SPINK6: variants seen among roughly 807,000 people sequenced by gnomAD.
SPINK6 encodes the protein serine peptidase inhibitor Kazal type 6.
In SPINK6, 13 loss-of-function variants were observed where a neutral mutation model predicts 11.7. The observed-to-expected ratio is 1.11, with a 90% CI of 0.72 to 1.76. The LOEUF (loss-of-function observed/expected upper bound fraction) is 1.76. Ranked by LOEUF, SPINK6 falls within the 40% of genes most tolerant of loss-of-function variation. The pLI is 0.00. For missense variants in SPINK6, 98 were observed against 93.7 expected (o/e 1.05, Z -0.19); for synonymous variants, 21 against 31.9 (o/e 0.66, Z 1.15).
Position 148,206,078 on chromosome 5 carries a change from T to C in SPINK6, c.81+20T>C. Reference sequence around the variant, plus strand: ...GGACAGGTCAGTGCCTATTTTTATCTCTGCTTTCTGCCTGGGTGGTGCTTG... The same window carrying C: ...GGACAGGTCAGTGCCTATTTTTATCCCTGCTTTCTGCCTGGGTGGTGCTTG... On this transcript the variant is annotated intron_variant, in intron 2 of 3. Transcript: ENST00000325630. The C allele has an allele frequency of 6.2e-7, 1 of 1,613,920 alleles. No individual in the cohort carries two copies.
intron 2 of SPINK6, among the ~76,000 whole-genome samples, chr5:148,209,999 T>C (rs1323516945): frequency 1.7e-4 from 25 of 146,572 alleles, no homozygotes; most frequent in African/African-American, 6.5e-4. Context: ...CATATACACG[T>C]ATGTATACAT....
At chr5:148,212,576 A>ATATTTATATAT (rs1229882420) in intron 2 of SPINK6, among the ~76,000 whole-genome samples, 268 of 102,286 alleles carry the variant, frequency 2.6e-3, no homozygotes, top group African/African-American at 0.01. Flanking sequence ...TATATTATAT[A>ATATTTATATAT]TTATATAAAT....
chr5:148,207,895 C>T (rs1014709256), intron 2 of SPINK6, among the ~76,000 whole-genome samples: 2 of 152,116 alleles, frequency 1.3e-5, no homozygotes, highest in Admixed American at 6.5e-5. Context: ...ACCTGGATTG[C>T]TTACTAAATA....
chr5:148,202,990 A>C, upstream of SPINK6: 1 of 812,840 alleles, frequency 1.2e-6, no homozygotes, highest in Admixed American at 2.6e-5. Flanking sequence ...CATAAACTGC[A>C]TAGGACTCAT....
At chr5:148,210,026 G>GTATGTATGTATA (rs1755560343) in intron 2 of SPINK6, among the ~76,000 whole-genome samples, 1 of 15,704 alleles carries the variant, frequency 6.4e-5, no homozygotes, top group Non-Finnish European at 2.8e-4. Context: ...ACGCATGTAC[G>GTATGTATGTATA]CATGCACAAA....
At chr5:148,213,886 A>G (rs538288356) in intron 2 of SPINK6, 24 bp from the exon 3 acceptor site, 10 of 1,248,080 alleles carry the variant, frequency 8.0e-6, no homozygotes, top group Admixed American at 6.8e-5. Context: ...ACTGATGTCA[A>G]TGTCACTCTG....
In SPINK6 at chr5:148,203,067, A is replaced by G. The variant is rs375464213; in HGVS notation, c.-30A>G. 773 of 1,588,960 alleles carry G rather than the reference A, an allele frequency of 4.9e-4. 12 individuals are homozygous for G. In the South Asian group the frequency reaches 8.3e-3, roughly 17 times the overall value. On this transcript the variant is annotated 5_prime_UTR_variant, in exon 1 of 4. Coordinates refer to ENST00000325630, the MANE Select transcript of SPINK6 (RefSeq NM_205841.4). ...ACAGAGAACCTCAGCTGGACAAAGC[A>G]GCCTTGATCTGAGTGAGCTAACTGA...
At chr5:148,211,350 G>A (rs1314202495) in intron 2 of SPINK6, among the ~76,000 whole-genome samples, 2 of 152,188 alleles carry the variant, frequency 1.3e-5, no homozygotes, top group African/African-American at 4.8e-5. Flanking sequence ...AAAGCTAGAA[G>A]AGTCCCAGGA....
At chr5:148,214,881 T>G (rs372003241) in intron 3 of SPINK6, 24 bp from the exon 4 acceptor site, 249 of 1,603,320 alleles carry the variant, frequency 1.6e-4, no homozygotes, top group Non-Finnish European at 2.1e-4. Context: ...GCACTGAGTA[T>G]ATATTTGTCT....
At chr5:148,211,276 A>T (rs1755594425) in intron 2 of SPINK6, among the ~76,000 whole-genome samples, 1 of 152,184 alleles carries the variant, frequency 6.6e-6, no homozygotes. Context: ...GCTGAAGTTA[A>T]GGACATAACA....
chr5:148,212,584 A>AT (rs1561733705), intron 2 of SPINK6, among the ~76,000 whole-genome samples: 268 of 101,662 alleles, frequency 2.6e-3, no homozygotes, highest in African/African-American at 0.01. Context: ...ATATTATATA[A>AT]ATATATTTTA....
intron 2 of SPINK6, among the ~76,000 whole-genome samples, chr5:148,212,243 G>A (rs1755607796): frequency 6.6e-6 from 1 of 151,674 alleles, no homozygotes; most frequent in Admixed American, 6.6e-5. Flanking sequence ...CTCAACAATA[G>A]TGCAACCTTA....
intron 1 of SPINK6, among the ~76,000 whole-genome samples, chr5:148,204,871 T>C (rs1044443959): frequency 2.2e-4 from 34 of 152,140 alleles, no homozygotes; most frequent in African/African-American, 8.2e-4. Flanking sequence ...ATTTGTACAG[T>C]GGAGACTTAC....
intron 3 of SPINK6, 34 bp downstream of exon 3, chr5:148,214,059 A>G: frequency 7.6e-7 from 1 of 1,323,502 alleles, no homozygotes; most frequent in Non-Finnish European, 1.1e-6. Context: ...TGACCCTTGC[A>G]AACACAAACT....
At chr5:148,206,172 C>A in intron 2 of SPINK6, 114 bp downstream of exon 2, 1 of 1,031,500 alleles carries the variant, frequency 9.7e-7, no homozygotes, top group Non-Finnish European at 1.5e-6. Flanking sequence ...AGCAGGCAAA[C>A]CTTATGCAGA....
In SPINK6 at chr5:148,205,922, C is replaced by T. The variant is rs1022080900; in HGVS notation, c.59-114C>T. 8 of 1,095,758 alleles carry T rather than the reference C, an allele frequency of 7.3e-6. No individual in the cohort carries two copies. The East Asian group carries it at 2.0e-4, about 27-fold the overall frequency. 67.9% of individuals were successfully genotyped at this position (1,095,758 alleles called of 1,614,324 possible). On this transcript the variant is annotated intron_variant, in intron 1 of 3. Transcript: ENST00000325630. The stretch of plus-strand genomic sequence containing the variant: ...AAAACAAACAAAAAAAATACGATGA[C>T]TTTTTAAGATAGCCAAGTACCAGGA...
At position 148,206,998 on chromosome 5, in the gene SPINK6, G is replaced by T. The variant is rs553462813; in HGVS notation, c.81+940G>T. On this transcript the variant is annotated intron_variant, in intron 2 of 3. Transcript: ENST00000325630. ...ATTTTAGCATCTCAGAAATTAGGAT[G>T]CATCTTACAAATGATGATGCATTTG... Among the ~76,000 whole-genome samples, 7 of 146,512 alleles carry T rather than the reference G, an allele frequency of 4.8e-5. No homozygotes were observed. The South Asian group carries it at 1.6e-3, about 33-fold the overall frequency.
At chr5:148,204,503 A>C (rs910119409) in intron 1 of SPINK6, among the ~76,000 whole-genome samples, 16 of 149,826 alleles carry the variant, frequency 1.1e-4, no homozygotes, top group Non-Finnish European at 4.4e-5. Flanking sequence ...AGTATTTGGG[A>C]GGCCATAATG....
intron 2 of SPINK6, among the ~76,000 whole-genome samples, chr5:148,209,369 T>C (rs1755539523): frequency 6.6e-6 from 1 of 152,158 alleles, no homozygotes; most frequent in Non-Finnish European, 1.5e-5. Context: ...TAATCAGCAA[T>C]AGAGGGCCAT....
Sources: allele counts gnomAD v4.1 joint callset (sites outside exome capture counted in the v4.1 genomes callset), GRCh38; gene constraint gnomAD v4.1.1; transcripts MANE v1.5; gene names NCBI Gene and HGNC (gene_info 2026-07-23, HGNC 2026-07-21).